GPC3: variants seen among roughly 807,000 people sequenced by gnomAD.
GPC3 encodes glypican-3.
In GPC3, 3 loss-of-function variants were observed where a neutral mutation model predicts 34.4. That is an observed-to-expected ratio of 0.09 (90% CI 0.04 to 0.23). The LOEUF (loss-of-function observed/expected upper bound fraction) is 0.23, where lower values mean the gene tolerates loss of function less well. Among genes scored for constraint, GPC3 ranks in the 10% least tolerant of loss-of-function variants. The pLI, the probability that GPC3 is intolerant of heterozygous loss-of-function variation, is 1.00. For missense variants in GPC3, 351 were observed against 445.6 expected (o/e 0.79, Z 1.91); for synonymous variants, 177 against 174.0 (o/e 1.02, Z -0.13).
chrX:133,905,785 A>G (rs1318381048), intron 2 of GPC3, among the ~76,000 whole-genome samples: 1 of 111,880 alleles, frequency 8.9e-6, no homozygotes, highest in Non-Finnish European at 1.9e-5. Context: ...AAGGTGATAC[A>G]AGAAAAGATG....
chrX:133,927,479 CT>C lies in GPC3; in HGVS notation c.337+25570del, dbSNP rs1242401529. 2.5e-3 allele frequency among the ~76,000 whole-genome samples: 255 copies of C among 103,998 alleles called. 3 individuals are homozygous for C. The highest frequency in any genetic ancestry group is 0.011 in the East Asian group (36 of 3,299). 90.3% of individuals were successfully genotyped at this position (103,998 alleles called of 115,157 possible). On this transcript the variant is annotated intron_variant, in intron 2 of 7. Coordinates refer to ENST00000370818, the MANE Select transcript of GPC3 (RefSeq NM_004484.4). ...GTGAGGGATAAAGGGGGGACTTTCA[CT>C]TTTTTTTTTTCTTTTCTAGACAGTC...
At chrX:133,798,752 A>G (rs1603249788) in intron 2 of GPC3, among the ~76,000 whole-genome samples, 1 of 112,262 alleles carries the variant, frequency 8.9e-6, no homozygotes, top group African/African-American at 3.2e-5. Context: ...TTCTTTTAGA[A>G]GGCAAATAGT....
chrX:133,631,627 C>A (rs962890558), intron 6 of GPC3, among the ~76,000 whole-genome samples: 1 of 111,429 alleles, frequency 9.0e-6, no homozygotes, highest in Non-Finnish European at 1.9e-5. Context: ...ATTAAATACA[C>A]CCAGAAGTGG....
chrX:133,904,854 A>C (rs1387039879), intron 2 of GPC3, among the ~76,000 whole-genome samples: 1 of 112,092 alleles, frequency 8.9e-6, no homozygotes, highest in African/African-American at 3.2e-5. Context: ...ATTGAGGCCT[A>C]GATCTATATA....
At chrX:133,945,786 AG>A (rs2076365775) in intron 2 of GPC3, among the ~76,000 whole-genome samples, 1 of 111,018 alleles carries the variant, frequency 9.0e-6, no homozygotes, top group African/African-American at 3.3e-5. Flanking sequence ...AGAAAAGAAA[AG>A]TTATTTTTCT....
chrX:133,632,148 G>A (rs1377144313), intron 6 of GPC3, among the ~76,000 whole-genome samples: 1 of 111,384 alleles, frequency 9.0e-6, no homozygotes, highest in East Asian at 2.8e-4. Flanking sequence ...TGCCCAGGCT[G>A]GAATGCAGTG....
At chrX:133,779,478 A>G (rs1455108183) in intron 2 of GPC3, among the ~76,000 whole-genome samples, 2 of 111,920 alleles carry the variant, frequency 1.8e-5, no homozygotes, top group East Asian at 5.6e-4. Flanking sequence ...CTCTACCTGT[A>G]AAATCGGGAT....
chrX:133,952,387 C>A (rs1450148075), intron 2 of GPC3, among the ~76,000 whole-genome samples: 1 of 112,044 alleles, frequency 8.9e-6, no homozygotes, highest in Non-Finnish European at 1.9e-5. Flanking sequence ...ATCATCACCA[C>A]CACCACCACC....
chrX:133,602,273 A>G (rs779227481), intron 6 of GPC3, among the ~76,000 whole-genome samples: 1 of 111,753 alleles, frequency 8.9e-6, no homozygotes, highest in Admixed American at 9.5e-5. Context: ...AGGGGAGGAT[A>G]GGGAGATATT....
rs760334275 is a variant in GPC3 at position 133,654,645 on chromosome X, G to C, written c.1413+7085C>G. Among the ~76,000 whole-genome samples, 9 of 109,985 alleles carry C rather than the reference G, an allele frequency of 8.2e-5. No homozygotes were observed. The South Asian group carries it at 3.6e-3, about 44-fold the overall frequency. On this transcript the variant is annotated intron_variant, in intron 6 of 7. Coordinates refer to ENST00000370818, the MANE Select transcript of GPC3 (RefSeq NM_004484.4). Reference sequence around the variant, plus strand: ...GAGAATTGCTTGAACCCGGGAGGTGGAGGTTGCAGTGAGCCAAGATCACGC... The same window carrying C: ...GAGAATTGCTTGAACCCGGGAGGTGCAGGTTGCAGTGAGCCAAGATCACGC...
intron 3 of GPC3, among the ~76,000 whole-genome samples, chrX:133,726,355 T>C (rs1485640965): frequency 1.8e-5 from 2 of 111,649 alleles, no homozygotes; most frequent in Non-Finnish European, 3.8e-5. Context: ...GGAATCCAGA[T>C]TAATGAGTCA....
chrX:133,826,564 C>A (rs2075747629), intron 2 of GPC3, among the ~76,000 whole-genome samples: 1 of 110,609 alleles, frequency 9.0e-6, no homozygotes, highest in Non-Finnish European at 1.9e-5. Flanking sequence ...ATCAAGCATA[C>A]CAACAAAAAC....
At chrX:133,557,506 C>T (rs1409815098) in intron 7 of GPC3, among the ~76,000 whole-genome samples, 1 of 110,390 alleles carries the variant, frequency 9.1e-6, no homozygotes, top group Non-Finnish European at 1.9e-5. Flanking sequence ...AAAACAAACC[C>T]CAGCATGACA....
intron 7 of GPC3, among the ~76,000 whole-genome samples, chrX:133,591,152 G>A (rs1262470801): frequency 2.7e-5 from 3 of 111,760 alleles, no homozygotes; most frequent in Non-Finnish European, 3.8e-5. Context: ...GGACAAAAGG[G>A]AGATACAAGA....
chrX:133,949,312 G>A (rs989516322), intron 2 of GPC3, among the ~76,000 whole-genome samples: 1 of 111,983 alleles, frequency 8.9e-6, no homozygotes, highest in Non-Finnish European at 1.9e-5. Flanking sequence ...TGGACCTAAC[G>A]TAATACAGGA....
At chrX:133,811,568 T>C (rs778948682) in intron 2 of GPC3, among the ~76,000 whole-genome samples, 10 of 112,024 alleles carry the variant, frequency 8.9e-5, no homozygotes, top group Non-Finnish European at 1.3e-4. Context: ...AAATCTCTAT[T>C]GCATATCTAG....
chrX:133,977,653 A>T (rs2076522224), intron 1 of GPC3, among the ~76,000 whole-genome samples: 1 of 112,002 alleles, frequency 8.9e-6, no homozygotes, highest in Admixed American at 9.5e-5. Flanking sequence ...GGAGAGAGGG[A>T]GCAGAGCCAT....
intron 6 of GPC3, among the ~76,000 whole-genome samples, chrX:133,614,500 A>G (rs1055199338): frequency 1.8e-5 from 2 of 111,592 alleles, no homozygotes; most frequent in Non-Finnish European, 3.8e-5. Context: ...TAATAATTCT[A>G]TAACCAGCAA....
intron 2 of GPC3, among the ~76,000 whole-genome samples, chrX:133,897,199 C>A (rs1166794002): frequency 9.8e-6 from 1 of 102,356 alleles, no homozygotes; most frequent in Non-Finnish European, 2.0e-5. Context: ...AGCTACCGTG[C>A]CCGGCCTTTT....
Sources: allele counts gnomAD v4.1 joint callset (sites outside exome capture counted in the v4.1 genomes callset), GRCh38; gene constraint gnomAD v4.1.1; transcripts MANE v1.5; gene names NCBI Gene and HGNC (gene_info 2026-07-23, HGNC 2026-07-21).